PGR: variants seen among roughly 807,000 people sequenced by gnomAD.
PGR encodes progesterone receptor.
Under a neutral mutation model 76.1 loss-of-function variants are expected in PGR, and 25 were observed. The observed-to-expected ratio is 0.33, with a 90% CI of 0.24 to 0.46. The LOEUF (loss-of-function observed/expected upper bound fraction) is 0.46, where lower values mean the gene tolerates loss of function less well. PGR is among the 20% of genes least tolerant of loss of function. The pLI, the probability that PGR is intolerant of heterozygous loss-of-function variation, is 1.00. For missense variants in PGR, 1,172 were observed against 1,225.3 expected, an observed-to-expected ratio of 0.96 and a Z score of 0.65; for synonymous variants, 579 against 535.0, an observed-to-expected ratio of 1.08 and a Z score of -1.14.
intron 3 of PGR, among the ~76,000 whole-genome samples, chr11:101,066,134 A>G (rs142540962): frequency 8.5e-4 from 129 of 151,528 alleles, no homozygotes; most frequent in African/African-American, 3.1e-3. Context: ...GAGAAATATC[A>G]CTCTCTTCAT....
chr11:101,114,708 G>A (rs546948915), intron 2 of PGR, among the ~76,000 whole-genome samples: 6 of 151,844 alleles, frequency 4.0e-5, no homozygotes, highest in South Asian at 4.2e-4. Context: ...TCTCTGTGTC[G>A]CTTTCATCAC....
At chr11:101,077,728 T>C (rs894712424) in intron 3 of PGR, among the ~76,000 whole-genome samples, 5 of 152,088 alleles carry the variant, frequency 3.3e-5, no homozygotes, top group African/African-American at 9.6e-5. Context: ...GAGATGGTGT[T>C]TAGGGTAAAC....
chr11:101,089,364 A>C (rs1039638234), intron 3 of PGR, among the ~76,000 whole-genome samples: 2 of 152,202 alleles, frequency 1.3e-5, no homozygotes, highest in Non-Finnish European at 2.9e-5. Flanking sequence ...TGGCATATCA[A>C]ATCCATTATT....
chr11:101,072,092 C>T (rs1860957655), intron 3 of PGR, among the ~76,000 whole-genome samples: 2 of 152,142 alleles, frequency 1.3e-5, no homozygotes, highest in Admixed American at 1.3e-4. Flanking sequence ...GTCGGGTTAC[C>T]CACAAAGGGA....
chr11:101,093,728 G>A (rs1861750825), intron 2 of PGR, among the ~76,000 whole-genome samples: 1 of 152,138 alleles, frequency 6.6e-6, no homozygotes, highest in African/African-American at 2.4e-5. Context: ...CAAAGTGCTG[G>A]GATTACAGGC....
intron 2 of PGR, among the ~76,000 whole-genome samples, chr11:101,125,299 A>C (rs1047482912): frequency 1.8e-4 from 28 of 152,226 alleles, no homozygotes; most frequent in African/African-American, 6.8e-4. Context: ...TAAATCTGAA[A>C]TCATTAAGCA....
intron 6 of PGR, among the ~76,000 whole-genome samples, chr11:101,046,553 G>A (rs1172644368): frequency 6.6e-6 from 1 of 151,700 alleles, no homozygotes; most frequent in Non-Finnish European, 1.5e-5. Context: ...AGAGGTTTAA[G>A]TTCATAACTA....
At chr11:101,111,732 C>A (rs1175423429) in intron 2 of PGR, among the ~76,000 whole-genome samples, 1 of 152,072 alleles carries the variant, frequency 6.6e-6, no homozygotes, top group Non-Finnish European at 1.5e-5. Context: ...CAGGAGCCAA[C>A]TTTGGGATGT....
At chr11:101,113,146 G>A (rs987500146) in intron 2 of PGR, among the ~76,000 whole-genome samples, 2 of 152,058 alleles carry the variant, frequency 1.3e-5, no homozygotes, top group African/African-American at 4.8e-5. Context: ...CCAAAGACTT[G>A]TTTTCAAAAT....
intron 6 of PGR, among the ~76,000 whole-genome samples, chr11:101,044,511 C>A (rs1321946013): frequency 6.6e-6 from 1 of 152,056 alleles, no homozygotes; most frequent in East Asian, 1.9e-4. Flanking sequence ...CTTTTAAAGT[C>A]CTTCAAGAAC....
intron 3 of PGR, among the ~76,000 whole-genome samples, chr11:101,066,901 G>T (rs932737009): frequency 6.6e-6 from 1 of 152,094 alleles, no homozygotes; most frequent in African/African-American, 2.4e-5. Flanking sequence ...ACATATGCTG[G>T]CTGGTTTCCC....
chr11:101,050,306 C>A (rs762483143), intron 5 of PGR, among the ~76,000 whole-genome samples: 13 of 151,944 alleles, frequency 8.6e-5, no homozygotes, highest in Non-Finnish European at 1.6e-4. Context: ...ACACAGTGAC[C>A]AAGATTAACA....
At position 101,031,487 on chromosome 11, in the gene PGR, A is replaced by T. The variant is rs1859349427; in HGVS notation, c.*7629T>A. The T allele has an allele frequency of 4.4e-6, 1 of 229,154 alleles. No homozygotes were observed. The highest frequency in any genetic ancestry group is 2.2e-5 in the African/African-American group (1 of 45,108). The allele number at this position is 229,154 out of a possible 1,614,324, so 14.2% of individuals were successfully genotyped here. Reference sequence around the variant, plus strand: ...GATGAAAAAACATGGATAGATTATTAAGCGCCAAGTTTTCTCTTCAACCTA... The same window carrying T: ...GATGAAAAAACATGGATAGATTATTTAGCGCCAAGTTTTCTCTTCAACCTA... On this transcript the variant is annotated 3_prime_UTR_variant, in exon 8 of 8. Transcript: ENST00000325455.
chr11:101,061,752 G>A (rs1353625577), intron 4 of PGR, among the ~76,000 whole-genome samples: 1 of 152,132 alleles, frequency 6.6e-6, no homozygotes. Flanking sequence ...ATTTAACCAA[G>A]TGAGAATTTC....
Position 101,052,245 on chromosome 11 carries a change from C to T in PGR, c.2213-677G>A, listed in dbSNP as rs113433304. Among the ~76,000 whole-genome samples the T allele has an allele frequency of 7.7e-3, 1,154 of 149,632 alleles. 15 individuals are homozygous for T. The highest frequency in any genetic ancestry group is 0.025 in the African/African-American group (1,013 of 40,440). ...TTAATCCAGTCTTGTTTTAAACTTC[C>T]GTGTGGCTTAAGAGATTTAGAATCT... On this transcript the variant is annotated intron_variant, in intron 4 of 7. Coordinates refer to ENST00000325455, the MANE Select transcript of PGR (RefSeq NM_000926.4).
At chr11:101,091,914 C>T (rs762538998) in intron 2 of PGR, 38 bp from the exon 3 acceptor site, 6 of 1,000,682 alleles carry the variant, frequency 6.0e-6, no homozygotes, top group South Asian at 1.3e-5. Flanking sequence ...TTTACAATAT[C>T]TAAGATTCAC....
intron 2 of PGR, among the ~76,000 whole-genome samples, chr11:101,108,678 G>T (rs1337414497): frequency 6.6e-6 from 1 of 152,090 alleles, no homozygotes; most frequent in Admixed American, 6.6e-5. Context: ...ATTACTAACT[G>T]GCTAGGTATC....
rs1860094959 is a variant in PGR, at chr11:101,051,706, A to G, written c.2213-138T>C. ...TCAATCCCAACATATTTTACACTGAAAATCAGAAAACATTAATAAATAATA... is the reference window on the plus strand; with the variant it reads ...TCAATCCCAACATATTTTACACTGAGAATCAGAAAACATTAATAAATAATA... On this transcript the variant is annotated intron_variant, in intron 4 of 7. Transcript: ENST00000325455. The G allele has an allele frequency of 4.4e-6, 3 of 678,546 alleles. No individual in the cohort carries two copies. In the South Asian group the frequency reaches 5.1e-5, roughly 12 times the overall value. 42.0% of individuals were successfully genotyped at this position (678,546 alleles called of 1,614,324 possible). A position where few individuals can be genotyped will look rare whatever the true frequency, so the allele number is the denominator to read the frequency against.
intron 3 of PGR, among the ~76,000 whole-genome samples, chr11:101,071,223 A>G (rs971440694): frequency 1.3e-5 from 2 of 152,210 alleles, no homozygotes; most frequent in Non-Finnish European, 2.9e-5. Flanking sequence ...GCAGACCTGC[A>G]GCAGAGGGGC....
Sources: gnomAD v4.1 joint callset for allele counts (sites outside exome capture counted in the v4.1 genomes callset) on GRCh38, gnomAD v4.1.1 for gene constraint, MANE v1.5 for transcripts, NCBI Gene and HGNC (gene_info 2026-07-23, HGNC 2026-07-21) for gene names.